Variants in OLA1 observed in about 807,000 individuals in gnomAD.
The protein encoded by OLA1 is Obg like ATPase 1, also known as obg-like ATPase 1.
OLA1 carries 14 observed loss-of-function variants against 48.4 expected under a neutral mutation model. That is an observed-to-expected ratio of 0.29 (90% CI 0.19 to 0.45). OLA1 has a LOEUF of 0.45. Ranked by LOEUF, OLA1 falls within the 20% of genes least tolerant of loss-of-function variation. The pLI, the probability that OLA1 is intolerant of heterozygous loss-of-function variation, is 1.00. For missense variants in OLA1, 325 were observed against 467.1 expected, an observed-to-expected ratio of 0.70 and a Z score of 2.80; for synonymous variants, 127 against 150.4, an observed-to-expected ratio of 0.84 and a Z score of 1.14.
At chr2:174,171,384 T>C (rs1687299095) in intron 4 of OLA1, among the ~76,000 whole-genome samples, 1 of 152,162 alleles carries the variant, frequency 6.6e-6, no homozygotes, top group African/African-American at 2.4e-5. Context: ...AAGACAAGTT[T>C]CAAATTTAAA....
chr2:174,164,412 G>A (rs1297174713), intron 4 of OLA1, among the ~76,000 whole-genome samples: 3 of 57,648 alleles, frequency 5.2e-5, no homozygotes, highest in African/African-American at 8.4e-5. Flanking sequence ...CCCACGAAAC[G>A]GTTTAATTTT....
chr2:174,153,203 G>A (rs1394052066), intron 4 of OLA1, among the ~76,000 whole-genome samples: 2 of 152,156 alleles, frequency 1.3e-5, no homozygotes, highest in Non-Finnish European at 2.9e-5. Flanking sequence ...ATCAAGCAAG[G>A]CTGTAAGTAA....
intron 5 of OLA1, among the ~76,000 whole-genome samples, chr2:174,138,906 T>G (rs1686373798): frequency 6.6e-6 from 1 of 152,240 alleles, no homozygotes; most frequent in African/African-American, 2.4e-5. Flanking sequence ...TCTGGTAGTC[T>G]TTAGTTCTTC....
intron 2 of OLA1, among the ~76,000 whole-genome samples, chr2:174,229,752 A>AT (rs902287429): frequency 6.6e-6 from 1 of 152,048 alleles, no homozygotes; most frequent in Non-Finnish European, 1.5e-5. Flanking sequence ...TACAAAATCT[A>AT]TTTTTTTTCC....
intron 4 of OLA1, among the ~76,000 whole-genome samples, chr2:174,200,061 C>A (rs1167801873): frequency 6.6e-6 from 1 of 151,670 alleles, no homozygotes; most frequent in Non-Finnish European, 1.5e-5. Context: ...AAAATGTAAT[C>A]ATTTCTCAAA....
chr2:174,120,597 T>C (rs1685893435), intron 7 of OLA1, among the ~76,000 whole-genome samples: 1 of 152,204 alleles, frequency 6.6e-6, no homozygotes, highest in Non-Finnish European at 1.5e-5. Context: ...AATGACTAAT[T>C]CAATGACTAA....
At chr2:174,200,147 T>A (rs1374339566) in intron 4 of OLA1, among the ~76,000 whole-genome samples, 1 of 152,176 alleles carries the variant, frequency 6.6e-6, no homozygotes, top group Non-Finnish European at 1.5e-5. Flanking sequence ...AAAATCTTAG[T>A]TTTAATTTTT....
At position 174,154,226 on chromosome 2, in the gene OLA1, A is replaced by G. The variant is rs186951398; in HGVS notation, c.374-12226T>C. Among the ~76,000 whole-genome samples, 592 of 151,904 alleles carry G rather than the reference A, an allele frequency of 3.9e-3. 1 individual carries two copies. Among genetic ancestry groups the G allele is most frequent in the Non-Finnish European group, 5.6e-3 (379 of 67,750 alleles). On this transcript the variant is annotated intron_variant, in intron 4 of 10. Transcript: ENST00000284719. Reference sequence around the variant, plus strand: ...CTGCCCTACTTCCAATATTGAGCTGACTGTTTCTGTTGTATTTACCCTTTG... The same window carrying G: ...CTGCCCTACTTCCAATATTGAGCTGGCTGTTTCTGTTGTATTTACCCTTTG...
chr2:174,228,900 C>T (rs866027629), intron 3 of OLA1, among the ~76,000 whole-genome samples: 3 of 152,282 alleles, frequency 2.0e-5, no homozygotes, highest in Middle Eastern at 6.8e-3. Context: ...CTTTTTGAGA[C>T]GGAGTCTTGC....
chr2:174,134,357 T>C (rs1411861158), intron 5 of OLA1, among the ~76,000 whole-genome samples: 2 of 151,934 alleles, frequency 1.3e-5, no homozygotes, highest in Non-Finnish European at 2.9e-5. Context: ...TGTGATGTTT[T>C]GATAGACGTA....
At chr2:174,184,048 G>C (rs1471587386) in intron 4 of OLA1, among the ~76,000 whole-genome samples, 1 of 152,156 alleles carries the variant, frequency 6.6e-6, no homozygotes, top group East Asian at 1.9e-4. Context: ...TTCCATGCTG[G>C]CTGCTCAGCT....
intron 7 of OLA1, among the ~76,000 whole-genome samples, chr2:174,114,775 C>T (rs903382355): frequency 6.6e-6 from 1 of 152,218 alleles, no homozygotes; most frequent in South Asian, 2.1e-4. Context: ...GCTTATTTCT[C>T]TCTCTGTTGG....
chr2:174,094,004 G>A (rs994251253), intron 7 of OLA1, among the ~76,000 whole-genome samples: 3 of 152,224 alleles, frequency 2.0e-5, no homozygotes, highest in Non-Finnish European at 4.4e-5. Context: ...AACTATTTAT[G>A]AAGATGGAAG....
intron 4 of OLA1, among the ~76,000 whole-genome samples, chr2:174,194,865 T>C (rs1188383750): frequency 1.3e-5 from 2 of 152,198 alleles, no homozygotes; most frequent in East Asian, 1.9e-4. Context: ...ACCACAACTC[T>C]ATGTCATCAT....
At chr2:174,206,290 C>T (rs1688113056) in intron 4 of OLA1, among the ~76,000 whole-genome samples, 1 of 152,152 alleles carries the variant, frequency 6.6e-6, no homozygotes, top group African/African-American at 2.4e-5. Context: ...CCCAGCTACT[C>T]AGGAGGCTGA....
intron 2 of OLA1, among the ~76,000 whole-genome samples, chr2:174,231,322 A>C (rs533495658): frequency 1.3e-5 from 2 of 152,240 alleles, no homozygotes; most frequent in African/African-American, 4.8e-5. Flanking sequence ...ACTTAAGACA[A>C]AATTTAAATC....
rs373883642 is a variant in OLA1, at chr2:174,079,104, G to C, written c.967-14C>G. 89 of 1,574,788 alleles carry C rather than the reference G, an allele frequency of 5.7e-5. No homozygotes were observed. The African/African-American group carries it at 1.1e-3, about 19-fold the overall frequency. On this transcript the variant is annotated splice_polypyrimidine_tract_variant and intron_variant, in intron 9 of 10. Transcript: ENST00000284719. Reference sequence around the variant, plus strand: ...CTTAGTCCCTTTCTTTGAAAAGAAAGACCAGAGAAAACTAATTGCATTTAA... The same window carrying C: ...CTTAGTCCCTTTCTTTGAAAAGAAACACCAGAGAAAACTAATTGCATTTAA...
chr2:174,200,825 T>C (rs1687975405), intron 4 of OLA1, among the ~76,000 whole-genome samples: 1 of 152,178 alleles, frequency 6.6e-6, no homozygotes, highest in African/African-American at 2.4e-5. Flanking sequence ...GTAAAGCATT[T>C]CAATGGAATC....
intron 2 of OLA1, among the ~76,000 whole-genome samples, chr2:174,245,868 T>C (rs1289952815): frequency 1.3e-5 from 2 of 152,004 alleles, no homozygotes; most frequent in African/African-American, 4.8e-5. Flanking sequence ...CACTCCAGCC[T>C]GGGCAAAAGA....
Sources: allele counts gnomAD v4.1 joint callset (sites outside exome capture counted in the v4.1 genomes callset), GRCh38; gene constraint gnomAD v4.1.1; transcripts MANE v1.5; gene names NCBI Gene and HGNC (gene_info 2026-07-23, HGNC 2026-07-21).